Variants in GPR89A observed in about 807,000 individuals in gnomAD.
GPR89A encodes the protein golgi pH regulator A, also known as G protein-coupled receptor 89A.
Under a neutral mutation model 52.0 loss-of-function variants are expected in GPR89A, and 16 were observed. That is an observed-to-expected ratio of 0.31 (90% CI 0.21 to 0.47). GPR89A has a LOEUF of 0.47. GPR89A is among the 20% of genes least tolerant of loss of function. The pLI is 1.00. For missense variants in GPR89A, 135 were observed against 449.4 expected (o/e 0.30, Z 6.33); for synonymous variants, 55 against 150.9 (o/e 0.36, Z 4.66).
chr1:145,625,955 G>A (rs1196304677), intron 5 of GPR89A, among the ~76,000 whole-genome samples: 1 of 150,486 alleles, frequency 6.6e-6, no homozygotes, highest in Non-Finnish European at 1.5e-5. Flanking sequence ...TGTTTAATAC[G>A]TGTTCTTTGA....
intron 12 of GPR89A, among the ~76,000 whole-genome samples, chr1:145,668,603 A>G (rs1318606947): frequency 1.3e-5 from 2 of 152,108 alleles, no homozygotes; most frequent in Non-Finnish European, 2.9e-5. Context: ...AACTTCCAAC[A>G]CTATGCTGAA....
chr1:145,655,371 A>C (rs1553694334), intron 10 of GPR89A, among the ~76,000 whole-genome samples: 1 of 150,960 alleles, frequency 6.6e-6, no homozygotes, highest in Non-Finnish European at 1.5e-5. Context: ...TCATTTGGAG[A>C]AGAGGCACTC....
At position 145,654,457 on chromosome 1, in the gene GPR89A, G is replaced by A. The variant is rs587626703; in HGVS notation, c.909+7190G>A. Reference sequence around the variant, plus strand: ...AGTCCTAGCTACTCGGGAGGCTGAGGCAGGAGAATGGCATGAACCCAGGAG... The same window carrying A: ...AGTCCTAGCTACTCGGGAGGCTGAGACAGGAGAATGGCATGAACCCAGGAG... On this transcript the variant is annotated intron_variant, in intron 10 of 13. Transcript: ENST00000313835. 3.3e-5 allele frequency among the ~76,000 whole-genome samples: 5 copies of A among 151,382 alleles called. No individual in the cohort carries two copies. In the South Asian group the frequency reaches 1.0e-3, roughly 32 times the overall value.
At chr1:145,653,152 T>G (rs1180573657) in intron 10 of GPR89A, among the ~76,000 whole-genome samples, 1 of 151,104 alleles carries the variant, frequency 6.6e-6, no homozygotes, top group Non-Finnish European at 1.5e-5. Context: ...TTTAGCTGTG[T>G]CCCAGAGATT....
chr1:145,666,779 C>T, intron 12 of GPR89A, among the ~76,000 whole-genome samples: 1 of 148,784 alleles, frequency 6.7e-6, no homozygotes, highest in East Asian at 2.0e-4. Context: ...GTTCAGTTCC[C>T]ACCTATGAGT....
intron 3 of GPR89A, among the ~76,000 whole-genome samples, chr1:145,620,891 A>G (rs1246093408): frequency 6.6e-6 from 1 of 152,236 alleles, no homozygotes; most frequent in African/African-American, 2.4e-5. Flanking sequence ...TAGGCAGTCC[A>G]TACTGCCAAT....
intron 12 of GPR89A, among the ~76,000 whole-genome samples, chr1:145,666,922 A>G (rs1204721515): frequency 6.6e-6 from 1 of 151,940 alleles, no homozygotes; most frequent in Non-Finnish European, 1.5e-5. Context: ...CATGGTGTAT[A>G]TGTGCCACAT....
chr1:145,615,000 A>T (rs1188169880), intron 1 of GPR89A, among the ~76,000 whole-genome samples: 1 of 152,232 alleles, frequency 6.6e-6, no homozygotes, highest in Non-Finnish European at 1.5e-5. Flanking sequence ...CTAGAAAGAC[A>T]TAAAATCATT....
At chr1:145,614,830 A>G (rs1553686692) in intron 1 of GPR89A, among the ~76,000 whole-genome samples, 1 of 152,062 alleles carries the variant, frequency 6.6e-6, no homozygotes, top group African/African-American at 2.4e-5. Flanking sequence ...CTTTCAGAGG[A>G]CATCTACACA....
chr1:145,612,459 A>C (rs1648364165), intron 1 of GPR89A, among the ~76,000 whole-genome samples: 1 of 152,168 alleles, frequency 6.6e-6, no homozygotes, highest in Admixed American at 6.5e-5. Flanking sequence ...ATAAGAGCTG[A>C]AAAAATAATA....
At chr1:145,620,971 G>C (rs587652963) in intron 3 of GPR89A, among the ~76,000 whole-genome samples, 87 of 152,294 alleles carry the variant, frequency 5.7e-4, no homozygotes, top group Middle Eastern at 6.8e-3. Context: ...GAAATACTAT[G>C]TAGTATTGCC....
At chr1:145,646,387 A>G (rs1475346450) in intron 9 of GPR89A, 115 bp downstream of exon 9, 5 of 754,780 alleles carry the variant, frequency 6.6e-6, no homozygotes, top group African/African-American at 3.6e-5. Flanking sequence ...CACAGCTTCT[A>G]TATCAGCCAT....
At chr1:145,634,892 T>C (rs1243915639) in intron 7 of GPR89A, among the ~76,000 whole-genome samples, 3 of 152,314 alleles carry the variant, frequency 2.0e-5, no homozygotes, top group Non-Finnish European at 4.4e-5. Context: ...CGCCAGGCAC[T>C]GTACTAGATG....
chr1:145,623,041 A>G lies in GPR89A; in HGVS notation c.207-13A>G. On this transcript the variant is annotated splice_polypyrimidine_tract_variant and intron_variant, in intron 3 of 13. Transcript: ENST00000313835. ...CTCTTCCTCCCAGTGACAGTCTTTGACATTTATTTCAGCTCCCGTTATTTT... is the reference window on the plus strand; with the variant it reads ...CTCTTCCTCCCAGTGACAGTCTTTGGCATTTATTTCAGCTCCCGTTATTTT... 1 of 1,604,230 alleles carries G rather than the reference A, an allele frequency of 6.2e-7. No homozygotes were observed. The highest frequency in any genetic ancestry group is 8.5e-7 in the Non-Finnish European group (1 of 1,174,272).
In GPR89A at chr1:145,650,409, A is replaced by T. The variant is rs587713573; in HGVS notation, c.909+3142A>T. Among the ~76,000 whole-genome samples, 4 of 151,888 alleles carry T rather than the reference A, an allele frequency of 2.6e-5. No homozygotes were observed. In the East Asian group the frequency reaches 7.7e-4, roughly 29 times the overall value. On this transcript the variant is annotated intron_variant, in intron 10 of 13. Transcript: ENST00000313835. ...ATTGATGGGCATTTGGGTTGATTCT[A>T]TGTCTTTGCTATTGTGAATAGTGCT...
rs189505276 is a variant in GPR89A, at chr1:145,616,654, C to T, written c.102+361C>T. Among the ~76,000 whole-genome samples, 9 of 152,130 alleles carry T rather than the reference C, an allele frequency of 5.9e-5. No homozygotes were observed. The East Asian group carries it at 1.7e-3, about 29-fold the overall frequency. ...CAAACCTTATATTATAAGTTAATAC[C>T]AAAATCCCAAGGCTATCAGGGGAAC... On this transcript the variant is annotated intron_variant, in intron 2 of 13. Transcript: ENST00000313835.
intron 8 of GPR89A, chr1:145,645,930 A>T (rs1456818689): frequency 1.7e-6 from 1 of 591,538 alleles, no homozygotes; most frequent in Non-Finnish European, 3.0e-6. Flanking sequence ...AAATGAAACC[A>T]TCTGTTTGAG....
At chr1:145,637,273 GA>G (rs1478042621) in intron 7 of GPR89A, among the ~76,000 whole-genome samples, 1 of 149,432 alleles carries the variant, frequency 6.7e-6, no homozygotes, top group East Asian at 2.0e-4. Flanking sequence ...GAAAATTTAG[GA>G]GAGATCCCTA....
chr1:145,635,068 T>G (rs587690561), intron 7 of GPR89A, among the ~76,000 whole-genome samples: 2 of 152,314 alleles, frequency 1.3e-5, no homozygotes, highest in South Asian at 4.1e-4. Context: ...TTTTCTGTAG[T>G]AAGACCCATA....
Sources: gnomAD v4.1 joint callset for allele counts (sites outside exome capture counted in the v4.1 genomes callset) on GRCh38, gnomAD v4.1.1 for gene constraint, MANE v1.5 for transcripts, NCBI Gene and HGNC (gene_info 2026-07-23, HGNC 2026-07-21) for gene names.